The following MSRA variants were observed in gnomAD, a reference collection of about 807,000 sequenced individuals.
MSRA encodes mitochondrial peptide methionine sulfoxide reductase.
In MSRA, 54 loss-of-function variants were observed where a neutral mutation model predicts 31.3. The ratio of observed to expected loss-of-function variants is 1.73; its 90% CI spans 1.39 to 2.17. The LOEUF (loss-of-function observed/expected upper bound fraction) is 2.17. MSRA is among the 30% of genes most tolerant of loss of function. The pLI, the probability that MSRA is intolerant of heterozygous loss-of-function variation, is 0.00. For synonymous variants in MSRA, 169 were observed against 116.5 expected (o/e 1.45, Z -2.90); for missense variants, 507 against 300.9 (o/e 1.69, Z -5.07).
At chr8:10,087,677 A>T (rs1798637373) in intron 1 of MSRA, among the ~76,000 whole-genome samples, 1 of 152,176 alleles carries the variant, frequency 6.6e-6, no homozygotes, top group African/African-American at 2.4e-5. Context: ...TCAGTGTTCA[A>T]TGTCAGATGA....
intron 1 of MSRA, among the ~76,000 whole-genome samples, chr8:10,067,757 A>G: frequency 6.6e-6 from 1 of 152,154 alleles, no homozygotes; most frequent in Non-Finnish European, 1.5e-5. Flanking sequence ...TGCAATTCCC[A>G]AATGATATAT....
At chr8:10,092,687 G>T (rs910332003) in intron 1 of MSRA, among the ~76,000 whole-genome samples, 5 of 151,914 alleles carry the variant, frequency 3.3e-5, no homozygotes, top group Non-Finnish European at 7.4e-5. Flanking sequence ...TTGTTTGGTA[G>T]ATGTCTGTTG....
At chr8:10,102,775 C>G (rs1197661094) in intron 1 of MSRA, among the ~76,000 whole-genome samples, 1 of 152,192 alleles carries the variant, frequency 6.6e-6, no homozygotes, top group Non-Finnish European at 1.5e-5. Flanking sequence ...GGGGCACTCC[C>G]TCATTTCTGT....
At chr8:10,226,587 C>T (rs1210876227) in intron 2 of MSRA, among the ~76,000 whole-genome samples, 1 of 152,166 alleles carries the variant, frequency 6.6e-6, no homozygotes, top group Non-Finnish European at 1.5e-5. Flanking sequence ...AAGCAAATTG[C>T]AGAAACCTTA....
At chr8:10,113,564 G>T (rs1438935215) in intron 1 of MSRA, among the ~76,000 whole-genome samples, 3 of 151,648 alleles carry the variant, frequency 2.0e-5, no homozygotes, top group African/African-American at 4.8e-5. Flanking sequence ...GTGAGAAGTG[G>T]TGGGCTTGGA....
chr8:10,245,301 T>A, intron 3 of MSRA, 78 bp downstream of exon 3: 3 of 1,323,052 alleles, frequency 2.3e-6, no homozygotes, highest in Middle Eastern at 1.9e-4. Context: ...ACAGGCTCTT[T>A]AAAATGGAAA....
intron 5 of MSRA, among the ~76,000 whole-genome samples, chr8:10,328,824 C>G (rs1422965281): frequency 6.6e-6 from 1 of 152,192 alleles, no homozygotes; most frequent in Non-Finnish European, 1.5e-5. Flanking sequence ...CTCAGGAAAT[C>G]TTACTGTTGT....
chr8:10,101,060 C>G (rs933012209), intron 1 of MSRA, among the ~76,000 whole-genome samples: 1 of 152,182 alleles, frequency 6.6e-6, no homozygotes, highest in African/African-American at 2.4e-5. Flanking sequence ...TAGCTGTATT[C>G]ATGGGAAATC....
intron 1 of MSRA, among the ~76,000 whole-genome samples, chr8:10,091,012 A>G (rs1239875070): frequency 2.0e-5 from 3 of 152,196 alleles, no homozygotes; most frequent in Admixed American, 2.0e-4. Flanking sequence ...CATTTTTGTC[A>G]AATCCTTTTC....
At chr8:10,337,683 A>C in intron 5 of MSRA, 1 of 701,656 alleles carries the variant, frequency 1.4e-6, no homozygotes, top group Non-Finnish European at 2.6e-6. Flanking sequence ...TTCATCTTGA[A>C]CCTTATACTC....
At chr8:10,058,481 A>G (rs1016831131) in intron 1 of MSRA, among the ~76,000 whole-genome samples, 2 of 152,262 alleles carry the variant, frequency 1.3e-5, no homozygotes, top group African/African-American at 2.4e-5. Flanking sequence ...CAGAAGAGGT[A>G]GAAAATTTAA....
intron 5 of MSRA, among the ~76,000 whole-genome samples, chr8:10,405,394 G>C (rs1807742084): frequency 6.6e-6 from 1 of 152,174 alleles, no homozygotes; most frequent in African/African-American, 2.4e-5. Context: ...GGGACATCTG[G>C]CGCGAGATGG....
chr8:10,227,510 C>A (rs1054621233), intron 2 of MSRA, among the ~76,000 whole-genome samples: 1 of 152,144 alleles, frequency 6.6e-6, no homozygotes, highest in Non-Finnish European at 1.5e-5. Context: ...CCCTTCCAAC[C>A]TTGGAATTCT....
chr8:10,210,043 G>A (rs1809335918), intron 2 of MSRA, among the ~76,000 whole-genome samples: 1 of 152,128 alleles, frequency 6.6e-6, no homozygotes, highest in South Asian at 2.1e-4. Context: ...TCTATCACTT[G>A]TCGCCCTGGG....
chr8:10,251,795 C>A (rs557006177), intron 3 of MSRA, among the ~76,000 whole-genome samples: 1 of 151,834 alleles, frequency 6.6e-6, no homozygotes, highest in Non-Finnish European at 1.5e-5. Flanking sequence ...TATTGTAAAC[C>A]TCAATCACCA....
intron 3 of MSRA, among the ~76,000 whole-genome samples, chr8:10,283,129 T>TACACACAC (rs66507479): frequency 0.015 from 2,106 of 138,542 alleles, 40 homozygotes; most frequent in African/African-American, 0.024. Context: ...ATATTCACAT[T>TACACACAC]ACACACACAC....
intron 1 of MSRA, among the ~76,000 whole-genome samples, chr8:10,198,024 A>C (rs1475371748): frequency 6.6e-6 from 1 of 152,068 alleles, no homozygotes; most frequent in East Asian, 1.9e-4. Flanking sequence ...AAAACAGAGG[A>C]GTGGGACTTA....
At chr8:10,126,571 G>C (rs1167916015) in intron 1 of MSRA, among the ~76,000 whole-genome samples, 1 of 152,096 alleles carries the variant, frequency 6.6e-6, no homozygotes, top group Non-Finnish European at 1.5e-5. Flanking sequence ...AGAGTGCAGT[G>C]GCATGATGTC....
intron 5 of MSRA, among the ~76,000 whole-genome samples, chr8:10,390,451 C>G (rs1449436258): frequency 6.6e-6 from 1 of 152,188 alleles, no homozygotes; most frequent in Non-Finnish European, 1.5e-5. Context: ...GCACTTGCCT[C>G]TTAGTCTTCC....
Sources: gnomAD v4.1 joint callset for allele counts (sites outside exome capture counted in the v4.1 genomes callset) on GRCh38, gnomAD v4.1.1 for gene constraint, MANE v1.5 for transcripts, NCBI Gene and HGNC (gene_info 2026-07-23, HGNC 2026-07-21) for gene names.